The following GATAD2B variants were observed in gnomAD, a reference collection of about 807,000 sequenced individuals.
The protein encoded by GATAD2B is transcriptional repressor p66-beta.
GATAD2B carries 8 observed loss-of-function variants against 64.3 expected under a neutral mutation model. That is an observed-to-expected ratio of 0.12 (90% CI 0.07 to 0.22). The LOEUF is 0.22. Among genes scored for constraint, GATAD2B ranks in the 10% least tolerant of loss-of-function variants. The probability of loss-of-function intolerance (pLI) is 1.00; values close to 1 mark genes in which losing one functional copy is unlikely to be tolerated. For missense variants in GATAD2B, 453 were observed against 752.0 expected, an observed-to-expected ratio of 0.60 and a Z score of 4.65; for synonymous variants, 281 against 271.3, an observed-to-expected ratio of 1.04 and a Z score of -0.35.
intron 1 of GATAD2B, among the ~76,000 whole-genome samples, chr1:153,866,792 T>G (rs543297515): frequency 5.3e-5 from 8 of 152,162 alleles, no homozygotes; most frequent in Non-Finnish European, 1.2e-4. Context: ...TTTTGTTTTG[T>G]TTTGTTTTGA....
intron 2 of GATAD2B, among the ~76,000 whole-genome samples, chr1:153,823,878 C>T (rs913920452): frequency 7.9e-5 from 12 of 151,922 alleles, no homozygotes; most frequent in Non-Finnish European, 1.8e-4. Flanking sequence ...TACAGGCACC[C>T]GCCACCACGC....
chr1:153,841,906 G>A (rs895392326), intron 1 of GATAD2B, among the ~76,000 whole-genome samples: 3 of 152,150 alleles, frequency 2.0e-5, no homozygotes, highest in African/African-American at 7.2e-5. Flanking sequence ...ATTCCCAGAT[G>A]CAATGTATGA....
intron 1 of GATAD2B, among the ~76,000 whole-genome samples, chr1:153,858,421 A>G (rs1676162209): frequency 6.6e-6 from 1 of 152,140 alleles, no homozygotes; most frequent in African/African-American, 2.4e-5. Context: ...CCTAGGCAAC[A>G]TGGCAAAGCC....
chr1:153,867,017 A>C (rs1298133982), intron 1 of GATAD2B, among the ~76,000 whole-genome samples: 4 of 152,020 alleles, frequency 2.6e-5, no homozygotes, highest in Non-Finnish European at 5.9e-5. Context: ...TGATCTAGTG[A>C]TCTGCCTGCC....
chr1:153,891,682 G>A (rs1351412529), intron 1 of GATAD2B, among the ~76,000 whole-genome samples: 10 of 133,448 alleles, frequency 7.5e-5, no homozygotes, highest in African/African-American at 2.5e-4. Flanking sequence ...GGAGGGGAGG[G>A]AAAAGAAGTA....
chr1:153,838,686 G>A (rs1207146502), intron 1 of GATAD2B, among the ~76,000 whole-genome samples: 1 of 152,190 alleles, frequency 6.6e-6, no homozygotes, highest in East Asian at 1.9e-4. Flanking sequence ...ACATTCAGAG[G>A]AAGAAAATAG....
At chr1:153,843,115 C>T (rs1203209024) in intron 1 of GATAD2B, among the ~76,000 whole-genome samples, 2 of 151,480 alleles carry the variant, frequency 1.3e-5, no homozygotes, top group Non-Finnish European at 2.9e-5. Flanking sequence ...CCATGCCAGG[C>T]TAATTTTTGC....
intron 1 of GATAD2B, among the ~76,000 whole-genome samples, chr1:153,909,056 T>C (rs1384294943): frequency 6.6e-6 from 1 of 151,882 alleles, no homozygotes; most frequent in Non-Finnish European, 1.5e-5. Flanking sequence ...ATTTTAAAAA[T>C]TAGCTGGGTA....
In GATAD2B at chr1:153,816,403, C is replaced by G; in HGVS notation, c.1086G>C (p.Lys362Asn). The G allele has an allele frequency of 6.2e-7, 1 of 1,614,176 alleles. No individual in the cohort carries two copies. The change falls in exon 7 of 11, where the codon AAG becomes AAC. Residue 362 changes from lysine (K) to asparagine (N), a missense_variant. Coordinates refer to ENST00000368655, the MANE Select transcript of GATAD2B (RefSeq NM_020699.4). This position sits in a 1 kb window ranked among gnomAD's most constrained non-coding sequence, Gnocchi z 4.9. ...TAGGGGGTGGGATCTCCAGGAGTGTCTTTTCCAGCTGTTTGCGAAGAGCCA... is the reference window on the plus strand; with the variant it reads ...TAGGGGGTGGGATCTCCAGGAGTGTGTTTTCCAGCTGTTTGCGAAGAGCCA... ...AKLALRKQLE[K>N]TLLEIPPPKP...
At chr1:153,850,702 T>C (rs1459174176) in intron 1 of GATAD2B, among the ~76,000 whole-genome samples, 2 of 152,164 alleles carry the variant, frequency 1.3e-5, no homozygotes, top group South Asian at 2.1e-4. Context: ...GGCGGATTGC[T>C]TGAGGTGAAG....
chr1:153,917,194 G>A (rs1263578487), intron 1 of GATAD2B, among the ~76,000 whole-genome samples: 2 of 148,424 alleles, frequency 1.3e-5, no homozygotes, highest in Non-Finnish European at 3.0e-5. Context: ...CACCTCCTGG[G>A]TTCAAGCAAT....
At chr1:153,874,836 C>CA (rs1676775243) in intron 1 of GATAD2B, among the ~76,000 whole-genome samples, 1 of 151,966 alleles carries the variant, frequency 6.6e-6, no homozygotes, top group African/African-American at 2.4e-5. Flanking sequence ...CTTGGCCCCC[C>CA]AAAGTGCTGA....
At chr1:153,821,831 G>A (rs574642400) in intron 2 of GATAD2B, among the ~76,000 whole-genome samples, 4 of 151,446 alleles carry the variant, frequency 2.6e-5, no homozygotes, top group Non-Finnish European at 5.9e-5. Context: ...CTCCCAAAGT[G>A]TTGAGATTAC....
intron 1 of GATAD2B, among the ~76,000 whole-genome samples, chr1:153,871,468 C>A (rs1676663574): frequency 6.6e-6 from 1 of 152,130 alleles, no homozygotes. Context: ...TTCCAAAGTG[C>A]TGGGATTACA....
intron 1 of GATAD2B, among the ~76,000 whole-genome samples, chr1:153,856,830 G>C (rs1275789984): frequency 1.3e-5 from 2 of 152,138 alleles, no homozygotes; most frequent in Non-Finnish European, 2.9e-5. Flanking sequence ...TAATGTGGCA[G>C]AACATGGACA....
chr1:153,820,273 G>C (rs1225807766), intron 2 of GATAD2B, among the ~76,000 whole-genome samples: 1 of 152,102 alleles, frequency 6.6e-6, no homozygotes, highest in Non-Finnish European at 1.5e-5. Flanking sequence ...CTACTTACCA[G>C]AGTTTTATCC....
intron 1 of GATAD2B, among the ~76,000 whole-genome samples, chr1:153,856,247 C>A (rs1159162661): frequency 6.6e-6 from 1 of 152,140 alleles, no homozygotes; most frequent in Non-Finnish European, 1.5e-5. Context: ...CATCTTAATT[C>A]TCTGTTGCCA....
intron 1 of GATAD2B, chr1:153,890,714 C>CTAAA (rs1677356978): frequency 6.6e-6 from 1 of 152,130 alleles, no homozygotes; most frequent in African/African-American, 2.4e-5. Flanking sequence ...AAACAGAGTA[C>CTAAA]TAAACACCAT....
chr1:153,856,736 A>T (rs1397063869), intron 1 of GATAD2B, among the ~76,000 whole-genome samples: 1 of 152,074 alleles, frequency 6.6e-6, no homozygotes, highest in Non-Finnish European at 1.5e-5. Context: ...CGAGACCCCC[A>T]TCTCTAATAA....
Sources: allele counts gnomAD v4.1 joint callset (sites outside exome capture counted in the v4.1 genomes callset), GRCh38; gene constraint gnomAD v4.1.1; non-coding constraint Gnocchi (gnomAD v3.1); transcripts MANE v1.5; gene names NCBI Gene and HGNC (gene_info 2026-07-23, HGNC 2026-07-21).